GABRB3: variants seen among roughly 807,000 people sequenced by gnomAD.
GABRB3 encodes gamma-aminobutyric acid receptor subunit beta-3.
GABRB3 carries 14 observed loss-of-function variants against 52.1 expected under a neutral mutation model. The ratio of observed to expected loss-of-function variants is 0.27; its 90% CI spans 0.18 to 0.42. The LOEUF (loss-of-function observed/expected upper bound fraction) is 0.42. Ranked by LOEUF, GABRB3 falls within the 10% of genes least tolerant of loss-of-function variation. GABRB3 has a pLI of 1.00. For synonymous variants in GABRB3, 260 were observed against 232.3 expected (o/e 1.12, Z -1.08); for missense variants, 307 against 609.1 (o/e 0.50, Z 5.22).
At chr15:26,661,908 C>A (rs769341497) in intron 3 of GABRB3, among the ~76,000 whole-genome samples, 11 of 151,948 alleles carry the variant, frequency 7.2e-5, no homozygotes, top group Admixed American at 6.6e-5. Flanking sequence ...TTATGTCTGA[C>A]GTGTAGCTCT....
rs539418544 is a variant in GABRB3, at chr15:26,698,330, T to C, written c.240+74072A>G. Among the ~76,000 whole-genome samples the C allele has an allele frequency of 2.0e-5, 3 of 152,314 alleles. No individual in the cohort carries two copies. The East Asian group carries it at 5.8e-4, about 29-fold the overall frequency. On this transcript the variant is annotated intron_variant, in intron 3 of 8. Coordinates refer to ENST00000311550, the MANE Select transcript of GABRB3 (RefSeq NM_000814.6). The stretch of plus-strand genomic sequence containing the variant: ...TGGTTGCTAAAATATTGCCAAAAGA[T>C]GTATTTACTCTTTATTACATATTCT...
rs56143305 is a variant in GABRB3, at chr15:26,690,106, A to ATTTTTTTTTTTTT, written c.241-68585_241-68573dup. ...ATCTGGAGAATGAGAAGGTACACGG[A>ATTTTTTTTTTTTT]TTTTTTTTTTTTTTTGAGACAAGGT... On this transcript the variant is annotated intron_variant, in intron 3 of 8. Coordinates refer to ENST00000311550, the MANE Select transcript of GABRB3 (RefSeq NM_000814.6). Among the ~76,000 whole-genome samples, 55 of 137,494 alleles carry ATTTTTTTTTTTTT rather than the reference A, an allele frequency of 4.0e-4. 1 individual carries two copies. Among genetic ancestry groups the ATTTTTTTTTTTTT allele is most frequent in the Non-Finnish European group, 6.9e-4 (45 of 65,110 alleles). 90.2% of individuals were successfully genotyped at this position (137,494 alleles called of 152,430 possible).
intron 3 of GABRB3, among the ~76,000 whole-genome samples, chr15:26,704,180 A>G (rs774557531): frequency 5.9e-5 from 9 of 152,236 alleles, no homozygotes; most frequent in Admixed American, 2.0e-4. Context: ...GCCAAGGCCT[A>G]GAGCCACTGT....
At chr15:26,696,198 G>T (rs1003517149) in intron 3 of GABRB3, among the ~76,000 whole-genome samples, 1 of 152,064 alleles carries the variant, frequency 6.6e-6, no homozygotes, top group Non-Finnish European at 1.5e-5. Context: ...TACTGATAAA[G>T]TAAACAGTGC....
intron 3 of GABRB3, among the ~76,000 whole-genome samples, chr15:26,688,616 C>T (rs1244181506): frequency 6.6e-6 from 1 of 152,144 alleles, no homozygotes; most frequent in African/African-American, 2.4e-5. Flanking sequence ...GATCCATCTC[C>T]TAAGTTATTG....
intron 3 of GABRB3, among the ~76,000 whole-genome samples, chr15:26,682,180 G>A (rs1429958825): frequency 6.6e-6 from 1 of 152,102 alleles, no homozygotes; most frequent in Non-Finnish European, 1.5e-5. Context: ...CGAAGGCAGT[G>A]GTGACTCATC....
In GABRB3 at chr15:26,586,397, A is replaced by AACACACATACACACACACACAC. The variant is rs1555368907; in HGVS notation, c.462-2984_462-2983insGTGTGTGTGTGTGTATGTGTGT. 2.9e-5 allele frequency among the ~76,000 whole-genome samples: 4 copies of AACACACATACACACACACACAC among 138,014 alleles called. No individual in the cohort carries two copies. In the Admixed American group the frequency reaches 3.0e-4, roughly 10 times the overall value. The allele number at this position is 138,014 out of a possible 152,430, so 90.5% of individuals were successfully genotyped here. On this transcript the variant is annotated intron_variant, in intron 4 of 8. Coordinates refer to ENST00000311550, the MANE Select transcript of GABRB3 (RefSeq NM_000814.6). ...CTTATTCACTTTTCAAACCACCCCT[A>AACACACATACACACACACACAC]ACACACACACACACACACACACACA...
At chr15:26,772,226 G>T (rs1891167417) in intron 3 of GABRB3, 176 bp downstream of exon 3, 3 of 526,292 alleles carry the variant, frequency 5.7e-6, no homozygotes, top group Non-Finnish European at 9.7e-6. Context: ...GAGCGCCCGG[G>T]GCGGGTGCAG....
At chr15:26,651,916 T>A (rs576171826) in intron 3 of GABRB3, among the ~76,000 whole-genome samples, 1 of 152,090 alleles carries the variant, frequency 6.6e-6, no homozygotes, top group Non-Finnish European at 1.5e-5. Context: ...GTGGGGAAAA[T>A]TTTCATCTGT....
intron 4 of GABRB3, among the ~76,000 whole-genome samples, chr15:26,590,567 G>A (rs934964900): frequency 2.0e-5 from 3 of 152,170 alleles, no homozygotes; most frequent in African/African-American, 7.2e-5. Context: ...TTCAGACCAA[G>A]CATTTTCCTT....
chr15:26,700,065 C>CA (rs1397047562), intron 3 of GABRB3, among the ~76,000 whole-genome samples: 1 of 151,112 alleles, frequency 6.6e-6, no homozygotes, highest in Non-Finnish European at 1.5e-5. Context: ...AAAAGTTCTT[C>CA]AAAAAAATCA....
In GABRB3 at chr15:26,613,611, A is replaced by T. The variant is rs1215414768; in HGVS notation, c.461+7703T>A. On this transcript the variant is annotated intron_variant, in intron 4 of 8. Transcript: ENST00000311550. ...TCTCATGCCATACTTTTTTTTTTCC[A>T]TGAAGCACTACTCTAGAATTTGGGG... is the stretch of plus-strand genomic sequence containing the variant. The T allele has an allele frequency of 2.6e-5, 4 of 151,704 alleles. No homozygotes were observed. The East Asian group carries it at 7.7e-4, about 29-fold the overall frequency. The allele number at this position is 151,704 out of a possible 1,614,324, so 9.4% of individuals were successfully genotyped here. A position where few individuals can be genotyped will look rare whatever the true frequency, so the allele number is the denominator to read the frequency against.
intron 4 of GABRB3, among the ~76,000 whole-genome samples, chr15:26,606,804 C>CGATAGATAGATAGATAGATAGA (rs200249563): frequency 3.7e-4 from 16 of 42,808 alleles, no homozygotes; most frequent in African/African-American, 1.2e-3. Flanking sequence ...ATAGATATAT[C>CGATAGATAGATAGATAGATAGA]TATAGATAGA....
At chr15:26,554,517 T>C (rs1258704640) in intron 8 of GABRB3, among the ~76,000 whole-genome samples, 1 of 152,092 alleles carries the variant, frequency 6.6e-6, no homozygotes, top group Non-Finnish European at 1.5e-5. Context: ...ACGATTCTAA[T>C]GACTCAGTTT....
chr15:26,566,945 A>G (rs1890200987), intron 7 of GABRB3, among the ~76,000 whole-genome samples: 1 of 152,218 alleles, frequency 6.6e-6, no homozygotes, highest in Non-Finnish European at 1.5e-5. Context: ...GTATTTAAAT[A>G]ATTATTTTTT....
At chr15:26,697,211 T>C (rs1481596394) in intron 3 of GABRB3, among the ~76,000 whole-genome samples, 3 of 152,212 alleles carry the variant, frequency 2.0e-5, no homozygotes, top group Non-Finnish European at 2.9e-5. Flanking sequence ...TGAAAAATGT[T>C]TCTTAAGAAA....
intron 3 of GABRB3, among the ~76,000 whole-genome samples, chr15:26,731,277 A>G (rs541143226): frequency 1.8e-4 from 27 of 152,362 alleles, no homozygotes; most frequent in African/African-American, 5.8e-4. Context: ...GCAGACATAC[A>G]TACTTACTAC....
At position 26,749,336 on chromosome 15, in the gene GABRB3, T is replaced by A. The variant is rs373179471; in HGVS notation, c.240+23066A>T. 5.3e-5 allele frequency among the ~76,000 whole-genome samples: 8 copies of A among 152,322 alleles called. No individual in the cohort carries two copies. The East Asian group carries it at 1.5e-3, about 29-fold the overall frequency. ...CCAAGTGTTTAGTGATTTAGTGTTATCTTTCTGTCACTGATTTCTAGTTTG... is the reference window on the plus strand; with the variant it reads ...CCAAGTGTTTAGTGATTTAGTGTTAACTTTCTGTCACTGATTTCTAGTTTG... On this transcript the variant is annotated intron_variant, in intron 3 of 8. Coordinates refer to ENST00000311550, the MANE Select transcript of GABRB3 (RefSeq NM_000814.6).
chr15:26,728,510 T>C (rs112174515), intron 3 of GABRB3, among the ~76,000 whole-genome samples: 2,887 of 152,100 alleles, frequency 0.019, 77 homozygotes, highest in African/African-American at 0.065. Flanking sequence ...CTAACTACAA[T>C]AGATACTGGG....
Sources: allele counts gnomAD v4.1 joint callset (sites outside exome capture counted in the v4.1 genomes callset), GRCh38; gene constraint gnomAD v4.1.1; transcripts MANE v1.5; gene names NCBI Gene and HGNC (gene_info 2026-07-23, HGNC 2026-07-21).